The following PTGER3 variants were observed in gnomAD, a reference collection of about 807,000 sequenced individuals.
PTGER3 encodes the protein prostaglandin E receptor 3.
Under a neutral mutation model 34.7 loss-of-function variants are expected in PTGER3, and 22 were observed. The observed-to-expected ratio is 0.63, with a 90% CI of 0.45 to 0.91. The LOEUF is 0.91. Ranked by LOEUF, PTGER3 falls within the 40% of genes least tolerant of loss-of-function variation. The pLI is 0.00. For missense variants in PTGER3, 468 were observed against 519.4 expected (o/e 0.90, Z 0.96); for synonymous variants, 241 against 230.1 (o/e 1.05, Z -0.43).
rs1032467215 is a variant in PTGER3 at position 71,046,978 on chromosome 1, G to A, written c.600C>T (p.Thr200=). ...LLPVLGVGQY[T]VQWPGTWCFI... is the part of the protein sequence containing the mutation. ...AGCACCACGTCCCGGGCCACTGGAC[G>A]GTGTACTGGCCCACGCCCAGCACCG... Residue 200 remains threonine (T), a synonymous_variant, in exon 1 of 4, where the codon ACC becomes ACT. Coordinates refer to ENST00000306666, the MANE Select transcript of PTGER3 (RefSeq NM_198719.2). 3.7e-6 allele frequency: 6 copies of A among 1,611,590 alleles called. No homozygotes were observed. Among genetic ancestry groups the A allele is most frequent in the Non-Finnish European group, 5.1e-6 (6 of 1,179,232 alleles).
At chr1:71,010,635 A>C (rs925427435) in intron 2 of PTGER3, 1 of 984,464 alleles carries the variant, frequency 1.0e-6, no homozygotes, top group African/African-American at 1.7e-5. Flanking sequence ...GTTTTGTCTT[A>C]TACCCAATGA....
intron 2 of PTGER3, among the ~76,000 whole-genome samples, chr1:70,982,104 C>A (rs1325771135): frequency 6.6e-6 from 1 of 152,090 alleles, no homozygotes; most frequent in Non-Finnish European, 1.5e-5. Flanking sequence ...GAATATAAAG[C>A]TAGGTGCCTA....
intron 4 of PTGER3, among the ~76,000 whole-genome samples, chr1:70,903,437 G>A (rs960414680): frequency 7.2e-5 from 11 of 152,140 alleles, no homozygotes; most frequent in Admixed American, 4.6e-4. Context: ...ACAAATCTTT[G>A]TACAGATAAT....
At chr1:71,007,943 T>C in intron 2 of PTGER3, 3 of 985,224 alleles carry the variant, frequency 3.0e-6, no homozygotes, top group South Asian at 9.4e-5. Flanking sequence ...GATGGTGATC[T>C]CTTTCCTTCT....
intron 4 of PTGER3, among the ~76,000 whole-genome samples, chr1:70,905,596 T>G (rs2100360264): frequency 6.6e-6 from 1 of 152,252 alleles, no homozygotes; most frequent in African/African-American, 2.4e-5. Context: ...GATTTCGGAC[T>G]TGTATGGGGC....
chr1:71,042,413 T>C (rs1468962108), intron 1 of PTGER3, among the ~76,000 whole-genome samples: 1 of 151,822 alleles, frequency 6.6e-6, no homozygotes, highest in African/African-American at 2.4e-5. Context: ...TTACATCCTA[T>C]CTTGTATTAT....
At chr1:70,937,290 G>T (rs1322347183) in intron 4 of PTGER3, among the ~76,000 whole-genome samples, 1 of 152,164 alleles carries the variant, frequency 6.6e-6, no homozygotes, top group Admixed American at 6.6e-5. Flanking sequence ...TGCCAAACAT[G>T]TTTATAATCC....
intron 2 of PTGER3, among the ~76,000 whole-genome samples, chr1:70,961,560 C>T (rs529077623): frequency 6.6e-6 from 1 of 152,302 alleles, no homozygotes; most frequent in African/African-American, 2.4e-5. Context: ...GTAGCCTTCA[C>T]TGGTAATTCT....
At chr1:70,984,291 G>A (rs1164836588) in intron 2 of PTGER3, among the ~76,000 whole-genome samples, 1 of 151,574 alleles carries the variant, frequency 6.6e-6, no homozygotes, top group African/African-American at 2.4e-5. Context: ...GAAGGCTGAG[G>A]CACAAGAATC....
chr1:70,918,053 C>T (rs1647231583), intron 4 of PTGER3, among the ~76,000 whole-genome samples: 2 of 151,842 alleles, frequency 1.3e-5, no homozygotes, highest in East Asian at 1.9e-4. Flanking sequence ...ACACATAGAC[C>T]AATGGAACAG....
At chr1:70,934,474 T>C (rs1203444211) in intron 4 of PTGER3, among the ~76,000 whole-genome samples, 1 of 152,192 alleles carries the variant, frequency 6.6e-6, no homozygotes, top group Non-Finnish European at 1.5e-5. Flanking sequence ...CTTATTTTAA[T>C]CTTCTATATC....
intron 2 of PTGER3, among the ~76,000 whole-genome samples, chr1:71,000,330 A>G (rs1656360682): frequency 6.6e-6 from 1 of 152,154 alleles, no homozygotes; most frequent in Non-Finnish European, 1.5e-5. Flanking sequence ...GATAACACCT[A>G]CCTGCTGTCA....
chr1:70,960,527 G>A (rs1651820536), intron 2 of PTGER3, among the ~76,000 whole-genome samples: 1 of 152,088 alleles, frequency 6.6e-6, no homozygotes, highest in Non-Finnish European at 1.5e-5. Context: ...AAATATTATA[G>A]CAGATCTCTG....
intron 4 of PTGER3, among the ~76,000 whole-genome samples, chr1:70,857,224 G>C (rs1343503969): frequency 2.0e-5 from 3 of 152,156 alleles, no homozygotes; most frequent in Non-Finnish European, 4.4e-5. Flanking sequence ...TATGTGGCTT[G>C]TGACAAATTC....
rs763517213 is a variant in PTGER3 at position 71,012,301 on chromosome 1, C to A, written c.1077+4G>T. The A allele has an allele frequency of 1.9e-6, 3 of 1,614,100 alleles. No individual in the cohort carries two copies. The highest frequency in any genetic ancestry group is 1.7e-5 in the Admixed American group (1 of 60,002). ...TTAGAGCAGCTGGAGACAGCATTTGCTACCTGGCAAAACTTTCGAAGAAGG... is the reference window on the plus strand; with the variant it reads ...TTAGAGCAGCTGGAGACAGCATTTGATACCTGGCAAAACTTTCGAAGAAGG... On this transcript the variant is annotated splice_donor_region_variant and intron_variant, in intron 2 of 3. Coordinates refer to ENST00000306666, the MANE Select transcript of PTGER3 (RefSeq NM_198719.2).
intron 4 of PTGER3, among the ~76,000 whole-genome samples, chr1:70,901,690 C>T (rs12048245): frequency 0.048 from 7,253 of 152,140 alleles, 558 homozygotes; most frequent in South Asian, 0.22. Flanking sequence ...GACAGGTGTT[C>T]GCTTCAAAAG....
chr1:71,012,925 A>ATATTAT (rs3044614), intron 1 of PTGER3, among the ~76,000 whole-genome samples: 1 of 150,436 alleles, frequency 6.6e-6, no homozygotes, highest in African/African-American at 2.4e-5. Flanking sequence ...AAAGGAGGAA[A>ATATTAT]TATTATTATT....
chr1:70,976,888 C>T (rs1653758974), intron 2 of PTGER3, among the ~76,000 whole-genome samples: 3 of 152,098 alleles, frequency 2.0e-5, no homozygotes, highest in South Asian at 2.1e-4. Context: ...AGGATCTTCC[C>T]GTCTGAAATA....
chr1:70,871,646 G>T (rs1646165634), intron 4 of PTGER3, among the ~76,000 whole-genome samples: 1 of 151,970 alleles, frequency 6.6e-6, no homozygotes, highest in Non-Finnish European at 1.5e-5. Context: ...ATTTGAGAAG[G>T]GTAGAGGAAA....
Sources: gnomAD v4.1 joint callset for allele counts (sites outside exome capture counted in the v4.1 genomes callset) on GRCh38, gnomAD v4.1.1 for gene constraint, MANE v1.5 for transcripts, NCBI Gene and HGNC (gene_info 2026-07-23, HGNC 2026-07-21) for gene names.